CLNK: variants seen among roughly 807,000 people sequenced by gnomAD.
CLNK encodes the protein cytokine dependent hematopoietic cell linker.
A neutral mutation model predicts 68.6 loss-of-function variants in CLNK; 74 were observed. The ratio of observed to expected loss-of-function variants is 1.08; its 90% confidence interval spans 0.89 to 1.31. The LOEUF is 1.31. Among genes scored for constraint, CLNK ranks in the 50% most tolerant of loss-of-function variants. The probability of loss-of-function intolerance (pLI) is 0.00; values close to 1 mark genes in which losing one functional copy is unlikely to be tolerated. For missense variants in CLNK, 553 were observed against 515.3 expected, an observed-to-expected ratio of 1.07 and a Z score of -0.71; for synonymous variants, 198 against 172.2, an observed-to-expected ratio of 1.15 and a Z score of -1.17.
At chr4:10,542,955 T>C (rs567423621) in intron 8 of CLNK, among the ~76,000 whole-genome samples, 2 of 152,232 alleles carry the variant, frequency 1.3e-5, no homozygotes, top group East Asian at 3.9e-4. Context: ...TTCAACTCAA[T>C]GTAATTATCG....
At chr4:10,513,832 AATTATTATTATT>A (rs772040482) in intron 15 of CLNK, among the ~76,000 whole-genome samples, 2 of 145,616 alleles carry the variant, frequency 1.4e-5, no homozygotes, top group Non-Finnish European at 3.0e-5. Context: ...TTTTTTTTTA[AATTATTATTATT>A]ATTATTATTA....
At chr4:10,586,883 T>C (rs1720988485) in intron 3 of CLNK, among the ~76,000 whole-genome samples, 1 of 152,228 alleles carries the variant, frequency 6.6e-6, no homozygotes, top group African/African-American at 2.4e-5. Flanking sequence ...AGATTGAATT[T>C]CTTTTTTCCC....
At chr4:10,730,183 C>T in the CLNK span, among the ~76,000 whole-genome samples, 1 of 152,180 alleles carries the variant, frequency 6.6e-6, no homozygotes, top group Admixed American at 6.5e-5. Flanking sequence ...TGCATAGCCA[C>T]CATCTGCGGC....
At chr4:10,585,204 G>T (rs961517196) in intron 3 of CLNK, among the ~76,000 whole-genome samples, 2 of 152,156 alleles carry the variant, frequency 1.3e-5, no homozygotes, top group Non-Finnish European at 2.9e-5. Flanking sequence ...TTATATGTTG[G>T]TTATTCTCAT....
rs996988609 is a variant in CLNK at position 10,541,216 on chromosome 4, A to C, written c.492-612T>G. On this transcript the variant is annotated intron_variant, in intron 10 of 18. Coordinates refer to ENST00000226951, the MANE Select transcript of CLNK (RefSeq NM_052964.4). ...GCGACAGAGCCAGACTGTCTCAAAA[A>C]AAAAACAAAAAAAAAAAAACCCAAT... 6.8e-5 allele frequency among the ~76,000 whole-genome samples: 9 copies of C among 131,688 alleles called. 1 individual carries two copies. The highest frequency in any genetic ancestry group is 1.1e-4 in the Non-Finnish European group (7 of 62,150). 86.4% of individuals were successfully genotyped at this position (131,688 alleles called of 152,430 possible). A position where few individuals can be genotyped will look rare whatever the true frequency, so the allele number is the denominator to read the frequency against.
At chr4:10,651,582 G>C (rs1723736799) in intron 2 of CLNK, among the ~76,000 whole-genome samples, 1 of 152,158 alleles carries the variant, frequency 6.6e-6, no homozygotes, top group Admixed American at 6.5e-5. Flanking sequence ...TTAGAATAAA[G>C]TTGCATGTGC....
intron 8 of CLNK, 71 bp downstream of exon 8, chr4:10,558,336 G>T: frequency 7.8e-7 from 1 of 1,284,688 alleles, no homozygotes; most frequent in Non-Finnish European, 1.1e-6. Context: ...AAACAGTAAT[G>T]CGAGAGGATC....
At chr4:10,703,989 A>C in the CLNK span, among the ~76,000 whole-genome samples, 2 of 152,140 alleles carry the variant, frequency 1.3e-5, no homozygotes, top group Non-Finnish European at 2.9e-5. Context: ...TCACATTTTC[A>C]GTAAGTGCTA....
At chr4:10,603,986 C>T (rs1264615315) in intron 2 of CLNK, among the ~76,000 whole-genome samples, 1 of 152,116 alleles carries the variant, frequency 6.6e-6, no homozygotes, top group East Asian at 1.9e-4. Flanking sequence ...AAAGGAAGGG[C>T]TGAAGGCAGG....
rs532052083 is a variant in CLNK at position 10,678,046 on chromosome 4, A to G, written c.-43+6622T>C. On this transcript the variant is annotated intron_variant, in intron 1 of 18. Coordinates refer to ENST00000226951, the MANE Select transcript of CLNK (RefSeq NM_052964.4). ...GCACAGTGTGGATCCAGATGAGATC[A>G]TCATTTCATCTGTAACTTCGAGTAC... is the stretch of plus-strand genomic sequence containing the variant. 1.8e-4 allele frequency among the ~76,000 whole-genome samples: 27 copies of G among 152,204 alleles called. No individual in the cohort carries two copies. The South Asian group carries it at 5.6e-3, about 32-fold the overall frequency.
At chr4:10,663,393 T>C (rs4470617) in intron 2 of CLNK, among the ~76,000 whole-genome samples, 42,745 of 152,104 alleles carry the variant, frequency 0.28, 6,185 homozygotes, top group Admixed American at 0.32. Flanking sequence ...CTCTATGTAA[T>C]ACGGAAATAA....
intron 3 of CLNK, 28 bp downstream of exon 3, chr4:10,597,950 C>G (rs1203580531): frequency 1.4e-6 from 2 of 1,467,560 alleles, no homozygotes; most frequent in Non-Finnish European, 9.3e-7. Flanking sequence ...TTTCACTCCT[C>G]TATTAATAAA....
At chr4:10,680,656 A>G (rs935332961) in intron 1 of CLNK, among the ~76,000 whole-genome samples, 4 of 152,206 alleles carry the variant, frequency 2.6e-5, no homozygotes, top group African/African-American at 9.6e-5. Flanking sequence ...TTTAATAATT[A>G]CTAGTCACCA....
chr4:10,517,838 A>G (rs1417392304), intron 15 of CLNK, among the ~76,000 whole-genome samples: 5 of 152,214 alleles, frequency 3.3e-5, no homozygotes, highest in Non-Finnish European at 7.3e-5. Flanking sequence ...ATGACTTAAA[A>G]CAAAACAGAG....
chr4:10,535,197 A>AAAAG (rs1170099626), intron 11 of CLNK, among the ~76,000 whole-genome samples: 1 of 126,228 alleles, frequency 7.9e-6, no homozygotes, highest in African/African-American at 3.0e-5. Context: ...CTACTTAAAA[A>AAAAG]AAAGAAAGAA....
chr4:10,540,693 G>A lies in CLNK; in HGVS notation c.492-89C>T, dbSNP rs1381046994. On this transcript the variant is annotated intron_variant, in intron 10 of 18. Coordinates refer to ENST00000226951, the MANE Select transcript of CLNK (RefSeq NM_052964.4). ...GAATCCACACTGCTCTGCCCTCCGT[G>A]TCCCCAGCTTTGGGTTGAAAATGCT... 3.5e-5 allele frequency: 31 copies of A among 877,168 alleles called. No homozygotes were observed. The Admixed American group carries it at 4.2e-4, about 12-fold the overall frequency. The allele number at this position is 877,168 out of a possible 1,614,324, so 54.3% of individuals were successfully genotyped here.
chr4:10,597,916 G>T, intron 3 of CLNK, 62 bp downstream of exon 3: 1 of 1,153,772 alleles, frequency 8.7e-7, no homozygotes, highest in Non-Finnish European at 1.3e-6. Context: ...GTGATGGTCA[G>T]CTTATTTGCT....
At chr4:10,563,612 GA>G in intron 7 of CLNK, among the ~76,000 whole-genome samples, 2 of 152,158 alleles carry the variant, frequency 1.3e-5, no homozygotes, top group South Asian at 4.2e-4. Context: ...TATCTGCATA[GA>G]AAATACTGAC....
At chr4:10,606,430 C>A (rs572644161) in intron 2 of CLNK, among the ~76,000 whole-genome samples, 8 of 145,886 alleles carry the variant, frequency 5.5e-5, no homozygotes, top group Non-Finnish European at 1.2e-4. Context: ...TTACAGTTAA[C>A]TTTTTTTTTT....
Sources: allele counts gnomAD v4.1 joint callset (sites outside exome capture counted in the v4.1 genomes callset), GRCh38; gene constraint gnomAD v4.1.1; transcripts MANE v1.5; gene names NCBI Gene and HGNC (gene_info 2026-07-23, HGNC 2026-07-21).